Variants in TESK1 observed in about 807,000 individuals in gnomAD.
The protein encoded by TESK1 is dual specificity testis-specific protein kinase 1.
A neutral mutation model predicts 59.9 loss-of-function variants in TESK1; 18 were observed. The observed-to-expected ratio is 0.30, with a 90% confidence interval of 0.21 to 0.45. The LOEUF (loss-of-function observed/expected upper bound fraction) is 0.45, where lower values mean the gene tolerates loss of function less well. Among genes scored for constraint, TESK1 ranks in the 20% least tolerant of loss-of-function variants. The pLI is 1.00. For synonymous variants in TESK1, 341 were observed against 357.4 expected (o/e 0.95, Z 0.52); for missense variants, 748 against 840.9 (o/e 0.89, Z 1.37).
Position 35,605,739 on chromosome 9 carries a change from C to G in TESK1, c.120C>G (p.Ser40=). 6.3e-7 allele frequency: 1 copy of G among 1,597,944 alleles called. No individual in the cohort carries two copies. Reference sequence around the variant, plus strand: ...GCCCGGGCCGGGGCCGCCCCTCCTCCTACCGGGCTCTCCGCAGCGCCGTGT... The same window carrying G: ...GCCCGGGCCGGGGCCGCCCCTCCTCGTACCGGGCTCTCCGCAGCGCCGTGT... The part of the protein sequence containing the change: ...GGGPGRGRPS[S]YRALRSAVSS... The change falls in exon 1 of 10, where the codon TCC becomes TCG. Residue 40 remains serine, a synonymous_variant. Transcript: ENST00000336395.
At position 35,607,435 on chromosome 9, in the gene TESK1, C is replaced by G. The variant is rs1224901961; in HGVS notation, c.620+26C>G. On this transcript the variant is annotated intron_variant, in intron 5 of 9. Transcript: ENST00000336395. The surrounding 1 kb of genome is among the most constrained non-coding windows in gnomAD (Gnocchi z 4.5). ...GTGAGATGAATGTCCCTGTTCCCCC[C>G]AAATCTCCCAGAGTGCCCCTATCTG... is the stretch of plus-strand genomic sequence containing the variant. 10 of 1,613,346 alleles carry G rather than the reference C, an allele frequency of 6.2e-6. No homozygotes were observed. In the Middle Eastern group the frequency reaches 4.9e-4, roughly 80 times the overall value.
chr9:35,608,249 C>T lies in TESK1; in HGVS notation c.885C>T (p.Asn295=), dbSNP rs374620030. The change falls in exon 8 of 10, where the codon AAC becomes AAT. Residue 295 remains asparagine, a splice_region_variant and synonymous_variant. Coordinates refer to ENST00000336395, the MANE Select transcript of TESK1 (RefSeq NM_006285.3). Reference sequence around the variant, plus strand: ...TGCTCCTGGCCATCCACTGCTGCAACGTAAGAGCCTCACACTCCTTCCTGC... The same window carrying T: ...TGCTCCTGGCCATCCACTGCTGCAATGTAAGAGCCTCACACTCCTTCCTGC... ...PFLLLAIHCC[N]LEPSTRAPFT... The T allele has an allele frequency of 3.7e-5, 60 of 1,613,932 alleles. No homozygotes were observed. Among genetic ancestry groups the T allele is most frequent in the Middle Eastern group, 1.6e-4 (1 of 6,082 alleles).
At position 35,607,776 on chromosome 9, in the gene TESK1, T is replaced by C; in HGVS notation, c.711+104T>C. ...AACAACCCTACCAGATCTTCAGGAG[T>C]CCCCAAGATCCCTTTGCCCCTCACA... On this transcript the variant is annotated intron_variant, in intron 6 of 9. Coordinates refer to ENST00000336395, the MANE Select transcript of TESK1 (RefSeq NM_006285.3). This position sits in a 1 kb window ranked among gnomAD's most constrained non-coding sequence, Gnocchi z 4.5. 1 of 1,262,056 alleles carries C rather than the reference T, an allele frequency of 7.9e-7. No individual in the cohort carries two copies. Among genetic ancestry groups the C allele is most frequent in the Non-Finnish European group, 1.1e-6 (1 of 889,886 alleles). 78.2% of individuals were successfully genotyped at this position (1,262,056 alleles called of 1,614,324 possible).
chr9:35,609,288 A>G lies in TESK1; in HGVS notation c.1427A>G (p.Glu476Gly), dbSNP rs748187839. 6.2e-7 allele frequency: 1 copy of G among 1,613,916 alleles called. No homozygotes were observed. The highest frequency in any genetic ancestry group is 8.5e-7 in the Non-Finnish European group (1 of 1,180,014). Residue 476 changes from glutamate (E) to glycine (G), a missense_variant, in exon 10 of 10, where the codon GAG (glutamate) becomes GGG (glycine). Transcript: ENST00000336395. This position sits in a 1 kb window ranked among gnomAD's most constrained non-coding sequence, Gnocchi z 6.7. ...EKMECEGSSP[E>G]PEPPGPAPQL... ...ATGGAGTGCGAGGGCAGCAGCCCTG[A>G]GCCGGAACCTCCAGGGCCAGCGCCC... is the stretch of plus-strand genomic sequence containing the variant.
Position 35,607,310 on chromosome 9 carries a change from A to C in TESK1, c.538-17A>C, listed in dbSNP as rs756950331. 10 of 1,610,998 alleles carry C rather than the reference A, an allele frequency of 6.2e-6. No homozygotes were observed. Among genetic ancestry groups the C allele is most frequent in the Middle Eastern group, 3.3e-4 (2 of 6,076 alleles). ...AAGGTGATGAGTGCGTGGGGATACTATGTGTGTGTGTGTCAGAACTGTCTA... is the reference window on the plus strand; with the variant it reads ...AAGGTGATGAGTGCGTGGGGATACTCTGTGTGTGTGTGTCAGAACTGTCTA... On this transcript the variant is annotated splice_polypyrimidine_tract_variant and intron_variant, in intron 4 of 9. Coordinates refer to ENST00000336395, the MANE Select transcript of TESK1 (RefSeq NM_006285.3). The surrounding 1 kb of genome is among the most constrained non-coding windows in gnomAD (Gnocchi z 4.5).
chr9:35,609,189 A>G lies in TESK1; in HGVS notation c.1328A>G (p.Glu443Gly). 6.2e-7 allele frequency: 1 copy of G among 1,613,172 alleles called. No homozygotes were observed. The highest frequency in any genetic ancestry group is 2.2e-5 in the East Asian group (1 of 44,854). Residue 443 changes from glutamate (E) to glycine (G), a missense_variant, in exon 10 of 10, where the codon GAG becomes GGG. By Grantham distance (98) the Glu-to-Gly change is moderately conservative. Around this residue, in one of 3 missense-constraint regions of TESK1, gnomAD observed 447 missense variants for 466.1 expected, o/e 0.96. Coordinates refer to ENST00000336395, the MANE Select transcript of TESK1 (RefSeq NM_006285.3). The surrounding 1 kb of genome is among the most constrained non-coding windows in gnomAD (Gnocchi z 6.7). ...RRCRSLPSSPELPRRMETALP... is the reference protein window; with the variant it reads ...RRCRSLPSSPGLPRRMETALP... ...TGCCGCTCACTACCCTCATCCCCCGAGCTCCCCCGCCGTATGGAGACAGCA... is the reference window on the plus strand; with the variant it reads ...TGCCGCTCACTACCCTCATCCCCCGGGCTCCCCCGCCGTATGGAGACAGCA...
Position 35,608,157 on chromosome 9 carries a change from C to T in TESK1, c.796-3C>T. 5 of 1,614,090 alleles carry T rather than the reference C, an allele frequency of 3.1e-6. No homozygotes were observed. The highest frequency in any genetic ancestry group is 4.2e-6 in the Non-Finnish European group (5 of 1,179,950). ...TTGGAGGTCCCTCCTTCTGTCCCCA[C>T]AGGACTTTGGCCTGGATGTGCCTGC... On this transcript the variant is annotated splice_polypyrimidine_tract_variant and splice_region_variant and intron_variant, in intron 7 of 9. Transcript: ENST00000336395.
rs894142982 is a variant in TESK1, at chr9:35,605,505, G to C, written c.-115G>C. The C allele has an allele frequency of 3.8e-6, 1 of 265,198 alleles. No homozygotes were observed. The highest frequency in any genetic ancestry group is 2.3e-5 in the African/African-American group (1 of 43,880). 16.4% of individuals were successfully genotyped at this position (265,198 alleles called of 1,614,324 possible). A position where few individuals can be genotyped will look rare whatever the true frequency, so the allele number is the denominator to read the frequency against. ...CGGCGGATCTTCCATTCTCAGGGCGGGAGCCGGAGTCCGGGCGCCCGGGAT... is the reference window on the plus strand; with the variant it reads ...CGGCGGATCTTCCATTCTCAGGGCGCGAGCCGGAGTCCGGGCGCCCGGGAT... On this transcript the variant is annotated 5_prime_UTR_variant, in exon 1 of 10. Transcript: ENST00000336395.
rs758119171 is a variant in TESK1 at position 35,607,721 on chromosome 9, G to A, written c.711+49G>A. 6 of 1,529,006 alleles carry A rather than the reference G, an allele frequency of 3.9e-6. No homozygotes were observed. The highest frequency in any genetic ancestry group is 5.4e-6 in the Non-Finnish European group (6 of 1,106,482). The allele number at this position is 1,529,006 out of a possible 1,614,324, so 94.7% of individuals were successfully genotyped here. On this transcript the variant is annotated intron_variant, in intron 6 of 9. Coordinates refer to ENST00000336395, the MANE Select transcript of TESK1 (RefSeq NM_006285.3). This position sits in a 1 kb window ranked among gnomAD's most constrained non-coding sequence, Gnocchi z 4.5. ...CCCAAGGCCTTCCGAGACCCTTGAG[G>A]TATTCTCATAAAGCCCCATCCATCC... is the stretch of plus-strand genomic sequence containing the variant.
At position 35,607,018 on chromosome 9, in the gene TESK1, G is replaced by A. The variant is rs984619838; in HGVS notation, c.537+35G>A. On this transcript the variant is annotated intron_variant, in intron 4 of 9. Transcript: ENST00000336395. This position sits in a 1 kb window ranked among gnomAD's most constrained non-coding sequence, Gnocchi z 4.5. Reference sequence around the variant, plus strand: ...CAGGGTGGGTGGAGACATGAAAGAGGGTTTGAGGCTATTAGGTTGTAACTG... The same window carrying A: ...CAGGGTGGGTGGAGACATGAAAGAGAGTTTGAGGCTATTAGGTTGTAACTG... 4 of 1,539,630 alleles carry A rather than the reference G, an allele frequency of 2.6e-6. No homozygotes were observed. Among genetic ancestry groups the A allele is most frequent in the African/African-American group, 2.7e-5 (2 of 72,870 alleles).
In TESK1 at chr9:35,606,378, TGAGAGGCAACA is replaced by T; in HGVS notation, c.390+95_390+105del. On this transcript the variant is annotated intron_variant, in intron 3 of 9. Transcript: ENST00000336395. ...GCCTGGTGGATCTACGGAGGACTAG[TGAGAGGCAACA>T]GGATCTCCTCTCAGGGGAGGCTTTC... 2.0e-6 allele frequency: 3 copies of T among 1,480,742 alleles called. 1 individual carries two copies. The South Asian group carries it at 3.4e-5, about 17-fold the overall frequency. 91.7% of individuals were successfully genotyped at this position (1,480,742 alleles called of 1,614,324 possible). A position where few individuals can be genotyped will look rare whatever the true frequency, so the allele number is the denominator to read the frequency against.
At position 35,609,428 on chromosome 9, in the gene TESK1, G is replaced by A. The variant is rs769325324; in HGVS notation, c.1567G>A (p.Val523Met). ...VLNNNPPAVV[V>M]NSPQGWAGEP... ...CAATAACAATCCCCCAGCTGTGGTG[G>A]TGAACTCCCCACAAGGCTGGGCTGG... is the stretch of plus-strand genomic sequence containing the variant. The change falls in exon 10 of 10, where the codon GTG becomes ATG. Residue 523 changes from valine (V) to methionine (M), a missense_variant. This residue lies in a region of TESK1 where 447 missense variants were observed against 466.1 expected (regional missense o/e 0.96). Transcript: ENST00000336395. This position sits in a 1 kb window ranked among gnomAD's most constrained non-coding sequence, Gnocchi z 6.7. 4.4e-6 allele frequency: 7 copies of A among 1,609,180 alleles called. No individual in the cohort carries two copies. The South Asian group carries it at 7.7e-5, about 18-fold the overall frequency.
At position 35,606,926 on chromosome 9, in the gene TESK1, C is replaced by T. The variant is rs1286301978; in HGVS notation, c.480C>T (p.Ala160=). Residue 160 remains alanine, a synonymous_variant, in exon 4 of 10, where the codon GCC becomes GCT. Transcript: ENST00000336395. ...GGCTCCACCTGGCCCTGGACATTGC[C>T]CGAGGCCTGCGGTACCTGCACTCCA... ...PVRLHLALDI[A]RGLRYLHSKG... 5 of 1,613,520 alleles carry T rather than the reference C, an allele frequency of 3.1e-6. No homozygotes were observed. The highest frequency in any genetic ancestry group is 4.2e-6 in the Non-Finnish European group (5 of 1,179,692).
In TESK1 at chr9:35,607,004, G is replaced by A. The variant is rs1339228789; in HGVS notation, c.537+21G>A. On this transcript the variant is annotated intron_variant, in intron 4 of 9. Transcript: ENST00000336395. This position sits in a 1 kb window ranked among gnomAD's most constrained non-coding sequence, Gnocchi z 4.5. The stretch of plus-strand genomic sequence containing the variant: ...CCAAGGTAGGCTAGCAGGGTGGGTG[G>A]AGACATGAAAGAGGGTTTGAGGCTA... 1 of 1,563,676 alleles carries A rather than the reference G, an allele frequency of 6.4e-7. No homozygotes were observed. The highest frequency in any genetic ancestry group is 1.2e-5 in the South Asian group (1 of 85,060).
In TESK1 at chr9:35,609,833, A is replaced by G; in HGVS notation, c.*91A>G. ...ACTTGCTGGACAGTGCCAGTTCCAG[A>G]TGGGCTGACCGGCTCTTCTCCCCGT... On this transcript the variant is annotated 3_prime_UTR_variant, in exon 10 of 10. Transcript: ENST00000336395. This position sits in a 1 kb window ranked among gnomAD's most constrained non-coding sequence, Gnocchi z 6.7. The G allele has an allele frequency of 1.4e-6, 2 of 1,393,918 alleles. No individual in the cohort carries two copies. The highest frequency in any genetic ancestry group is 1.5e-5 in the South Asian group (1 of 67,536). 86.3% of individuals were successfully genotyped at this position (1,393,918 alleles called of 1,614,324 possible). A position where few individuals can be genotyped will look rare whatever the true frequency, so the allele number is the denominator to read the frequency against.
rs190993572 is a variant in TESK1, at chr9:35,608,011, G to A, written c.795G>A (p.Glu265=). 6.2e-7 allele frequency: 1 copy of A among 1,614,138 alleles called. No homozygotes were observed. Among genetic ancestry groups the A allele is most frequent in the Non-Finnish European group, 8.5e-7 (1 of 1,179,990 alleles). The stretch of plus-strand genomic sequence containing the variant: ...ACCCTGACTACCTACCACGCACTGA[G>A]GTGAATGTTTCTAGGTTTGCAAAGA... ...PADPDYLPRT[E]DFGLDVPAFR... The change falls in exon 7 of 10, where the codon GAG becomes GAA. Residue 265 remains glutamate, a splice_region_variant and synonymous_variant. Coordinates refer to ENST00000336395, the MANE Select transcript of TESK1 (RefSeq NM_006285.3).
Position 35,606,279 on chromosome 9 carries a change from T to A in TESK1, c.384T>A (p.Leu128=). The A allele has an allele frequency of 6.2e-7, 1 of 1,613,980 alleles. No individual in the cohort carries two copies. The highest frequency in any genetic ancestry group is 2.2e-5 in the East Asian group (1 of 44,870). ...TGCACCAGGGACAGCTGCACGCTCTTACAGAGGTGAGGATAGGCCAGGAAG... is the reference window on the plus strand; with the variant it reads ...TGCACCAGGGACAGCTGCACGCTCTAACAGAGGTGAGGATAGGCCAGGAAG... ...VCVHQGQLHA[L]TEYMNGGTLE... is the part of the protein sequence containing the mutation. The change falls in exon 3 of 10, where the codon CTT becomes CTA. Residue 128 remains leucine (L), a synonymous_variant. Transcript: ENST00000336395.
In TESK1 at chr9:35,606,047, G is replaced by A. The variant is rs1263475874; in HGVS notation, c.283G>A (p.Gly95Ser). Residue 95 changes from glycine (G) to serine (S), a missense_variant, in exon 2 of 10, where the codon GGC becomes AGC. By Grantham distance (56) the Gly-to-Ser change is moderately conservative (BLOSUM62 0). Around this residue, in one of 3 missense-constraint regions of TESK1, gnomAD observed 168 missense variants for 257.4 expected, o/e 0.65. Transcript: ENST00000336395. The stretch of plus-strand genomic sequence containing the variant: ...GATGAACAAGCTCCCCAGTAACCGG[G>A]GCAACACACTACGGGAAGTGCAGCT... Reference protein sequence around the residue: ...LKMNKLPSNRGNTLREVQLMN... With the variant: ...LKMNKLPSNRSNTLREVQLMN... 2.5e-6 allele frequency: 4 copies of A among 1,614,140 alleles called. No homozygotes were observed. The South Asian group carries it at 3.3e-5, about 13-fold the overall frequency.
rs1165084613 is a variant in TESK1, at chr9:35,605,542, C to A, written c.-78C>A. 1 of 372,360 alleles carries A rather than the reference C, an allele frequency of 2.7e-6. No individual in the cohort carries two copies. The highest frequency in any genetic ancestry group is 4.3e-6 in the Non-Finnish European group (1 of 230,694). 23.1% of individuals were successfully genotyped at this position (372,360 alleles called of 1,614,324 possible). On this transcript the variant is annotated 5_prime_UTR_variant, in exon 1 of 10. Transcript: ENST00000336395. ...CGGGCGCCCGGGATCGGGCTGGGCCCGCGCCCATGGCAAGCGCGGCCTGCC... is the reference window on the plus strand; with the variant it reads ...CGGGCGCCCGGGATCGGGCTGGGCCAGCGCCCATGGCAAGCGCGGCCTGCC...
Sources: gnomAD v4.1 joint callset for allele counts on GRCh38, gnomAD v4.1.1 for gene constraint, gnomAD v4.1.1 regional missense constraint, Gnocchi (gnomAD v3.1) non-coding constraint, MANE v1.5 for transcripts, NCBI Gene and HGNC (gene_info 2026-07-23, HGNC 2026-07-21) for gene names.